FBXO21: variants seen among roughly 807,000 people sequenced by gnomAD.
The protein encoded by FBXO21 is F-box protein 21.
Under a neutral mutation model 76.6 loss-of-function variants are expected in FBXO21, and 32 were observed. That is an observed-to-expected ratio of 0.42 (90% CI 0.32 to 0.56). The LOEUF is 0.56. FBXO21 is among the 20% of genes least tolerant of loss of function. The pLI is 0.16. For synonymous variants in FBXO21, 328 were observed against 311.5 expected (o/e 1.05, Z -0.56); for missense variants, 586 against 797.3 (o/e 0.73, Z 3.19).
intron 7 of FBXO21, among the ~76,000 whole-genome samples, chr12:117,171,114 A>C (rs564623791): frequency 1.3e-5 from 2 of 152,280 alleles, no homozygotes; most frequent in African/African-American, 4.8e-5. Flanking sequence ...CTGTAATCCC[A>C]GCACCTTGGG....
In FBXO21 at chr12:117,144,244, A is replaced by C. The variant is rs1344541068; in HGVS notation, c.*1843T>G. 6.6e-6 allele frequency: 1 copy of C among 152,246 alleles called. No individual in the cohort carries two copies. The highest frequency in any genetic ancestry group is 1.5e-5 in the Non-Finnish European group (1 of 68,050). 9.4% of individuals were successfully genotyped at this position (152,246 alleles called of 1,614,324 possible). On this transcript the variant is annotated 3_prime_UTR_variant, in exon 12 of 12. Transcript: ENST00000622495. Reference sequence around the variant, plus strand: ...GTTCTTATTAATGCATCTCATTCATATTAATTAATTCCGTATTATCAAACT... The same window carrying C: ...GTTCTTATTAATGCATCTCATTCATCTTAATTAATTCCGTATTATCAAACT...
In FBXO21 at chr12:117,174,326, A is replaced by T. The variant is rs1956152319; in HGVS notation, c.755T>A (p.Ile252Lys). Residue 252 changes from isoleucine (I) to lysine (K), a missense_variant, in exon 6 of 12, where the codon ATA (isoleucine) becomes AAA (lysine). Physicochemically the swap from Ile to Lys is moderately radical, Grantham distance 102. Around this residue, in one of 6 missense-constraint regions of FBXO21, gnomAD observed 246 missense variants for 356.8 expected, o/e 0.69. Transcript: ENST00000622495. ...CTGGCTCTGGAGTTCTATTTCCATTATCATGGATGATTCACCTGAAACACA... is the reference window on the plus strand; with the variant it reads ...CTGGCTCTGGAGTTCTATTTCCATTTTCATGGATGATTCACCTGAAACACA... ...LAFKAGESSMIMEIELQSQVL... is the reference protein window; with the variant it reads ...LAFKAGESSMKMEIELQSQVL... 1 of 1,613,898 alleles carries T rather than the reference A, an allele frequency of 6.2e-7. No individual in the cohort carries two copies. The highest frequency in any genetic ancestry group is 1.3e-5 in the African/African-American group (1 of 74,870).
At chr12:117,186,604 T>TACTCA in intron 2 of FBXO21, 33 bp from the exon 3 acceptor site, 3 of 1,367,098 alleles carry the variant, frequency 2.2e-6, no homozygotes, top group Non-Finnish European at 3.1e-6. Context: ...TAGGCCTCAA[T>TACTCA]TATGAGTATT....
chr12:117,186,477 C>A lies in FBXO21; in HGVS notation c.470G>T (p.Arg157Ile). ...AATCCCTGCTAAAGCTATGGCTTAC[C>A]TTCCTTCCATATTTAGGATACACAC... Reference protein sequence around the residue: ...ELVCILNMEGRKALTWKYYAK... With the variant: ...ELVCILNMEGIKALTWKYYAK... Residue 157 changes from arginine (R) to isoleucine (I), a missense_variant and splice_region_variant, in exon 3 of 12, where the codon AGA becomes ATA. Arg to Ile is a moderately conservative substitution (Grantham distance 97, BLOSUM62 -3). Transcript: ENST00000622495. The A allele has an allele frequency of 6.2e-7, 1 of 1,602,052 alleles. No homozygotes were observed. Among genetic ancestry groups the A allele is most frequent in the South Asian group, 1.1e-5 (1 of 90,600 alleles).
chr12:117,178,990 G>GTGGATAAAA (rs1956203478), intron 3 of FBXO21, among the ~76,000 whole-genome samples: 1 of 152,118 alleles, frequency 6.6e-6, no homozygotes, highest in African/African-American at 2.4e-5. Flanking sequence ...CACTTGTTGA[G>GTGGATAAAA]TGGATAAAAT....
chr12:117,147,521 C>T lies in FBXO21; in HGVS notation c.1676-1244G>A, dbSNP rs528190917. Among the ~76,000 whole-genome samples the T allele has an allele frequency of 5.1e-4, 72 of 142,146 alleles. 1 individual carries two copies. The highest frequency in any genetic ancestry group is 1.2e-3 in the Admixed American group (15 of 12,450). The allele number at this position is 142,146 out of a possible 152,430, so 93.3% of individuals were successfully genotyped here. On this transcript the variant is annotated intron_variant, in intron 11 of 11. Transcript: ENST00000622495. The stretch of plus-strand genomic sequence containing the variant: ...GGCTGAGGCAGAGAACTGCTTGAAC[C>T]TGGGAGGCGGAGGTTGCAGTGAGCC...
chr12:117,173,267 G>A (rs1304924436), intron 6 of FBXO21, among the ~76,000 whole-genome samples: 1 of 152,112 alleles, frequency 6.6e-6, no homozygotes, highest in African/African-American at 2.4e-5. Context: ...CTGACCTCAG[G>A]TGATCCGCCC....
chr12:117,152,079 T>C (rs1239747475), intron 11 of FBXO21, among the ~76,000 whole-genome samples: 2 of 151,920 alleles, frequency 1.3e-5, no homozygotes, highest in Non-Finnish European at 2.9e-5. Flanking sequence ...CAAGAATTCT[T>C]ATCCCGATCT....
At chr12:117,185,815 C>A (rs1446190211) in intron 3 of FBXO21, among the ~76,000 whole-genome samples, 1 of 152,068 alleles carries the variant, frequency 6.6e-6, no homozygotes, top group African/African-American at 2.4e-5. Flanking sequence ...TCATGATAGG[C>A]AAATCTGATA....
intron 3 of FBXO21, among the ~76,000 whole-genome samples, chr12:117,181,282 A>G (rs1169353322): frequency 6.6e-6 from 1 of 152,132 alleles, no homozygotes; most frequent in Non-Finnish European, 1.5e-5. Context: ...GGCTGGATAT[A>G]AAAATCCTTG....
chr12:117,165,454 C>A (rs372781533), intron 9 of FBXO21, 31 bp downstream of exon 9: 9 of 1,603,630 alleles, frequency 5.6e-6, no homozygotes, highest in Non-Finnish European at 7.7e-6. Flanking sequence ...CTTTCTAAGG[C>A]AAGTGCAAAG....
At chr12:117,153,747 T>C (rs1027195222) in intron 11 of FBXO21, among the ~76,000 whole-genome samples, 5 of 152,264 alleles carry the variant, frequency 3.3e-5, no homozygotes, top group African/African-American at 7.2e-5. Context: ...ACTCTCATAG[T>C]GTAGGAACAG....
chr12:117,144,458 G>A lies in FBXO21; in HGVS notation c.*1629C>T, dbSNP rs189858062. 6.6e-6 allele frequency: 1 copy of A among 152,282 alleles called. No homozygotes were observed. The highest frequency in any genetic ancestry group is 2.4e-5 in the African/African-American group (1 of 41,554). The allele number at this position is 152,282 out of a possible 1,614,324, so 9.4% of individuals were successfully genotyped here. On this transcript the variant is annotated 3_prime_UTR_variant, in exon 12 of 12. Transcript: ENST00000622495. ...GGGGCCAAATCCCCATCTCTTTCTA[G>A]TAACTGCTTAAAGCCTTCCCTTGCT...
intron 6 of FBXO21, among the ~76,000 whole-genome samples, chr12:117,173,474 A>G (rs574226161): frequency 1.4e-4 from 21 of 152,364 alleles, no homozygotes; most frequent in African/African-American, 4.6e-4. Context: ...AGTAGCAGAC[A>G]GGGCAACAAA....
At position 117,167,019 on chromosome 12, in the gene FBXO21, G is replaced by C; in HGVS notation, c.1072C>G (p.Leu358Val). 1.9e-6 allele frequency: 3 copies of C among 1,614,078 alleles called. No homozygotes were observed. Among genetic ancestry groups the C allele is most frequent in the Non-Finnish European group, 2.5e-6 (3 of 1,180,006 alleles). The change falls in exon 8 of 12, where the codon CTG (leucine) becomes GTG (valine). Residue 358 changes from leucine to valine, a missense_variant. By Grantham distance (32) the Leu-to-Val change is conservative. Around this residue, in one of 6 missense-constraint regions of FBXO21, gnomAD observed 246 missense variants for 356.8 expected, o/e 0.69. Transcript: ENST00000622495. ...AAGTACTCGCATTCTTTCACTGTCA[G>C]CTGCTTGCCTTTCCCAAAAGCATCT... ...YIDAFGKGKQ[L>V]TVKECEYLIG...
intron 5 of FBXO21, 137 bp from the exon 6 acceptor site, chr12:117,174,478 C>T (rs2135874441): frequency 8.4e-7 from 1 of 1,194,244 alleles, no homozygotes; most frequent in East Asian, 2.4e-5. Flanking sequence ...AAGCAGAAGG[C>T]AGTATGTATT....
At chr12:117,190,124 C>A (rs1422645284) in intron 1 of FBXO21, 94 bp downstream of exon 1, 2 of 626,980 alleles carry the variant, frequency 3.2e-6, no homozygotes, top group Admixed American at 1.3e-4. Context: ...GGTCCGCGCG[C>A]GGGGCGGCCG....
At position 117,149,061 on chromosome 12, in the gene FBXO21, G is replaced by C. The variant is rs555598214; in HGVS notation, c.1676-2784C>G. 3.3e-5 allele frequency among the ~76,000 whole-genome samples: 5 copies of C among 152,322 alleles called. No individual in the cohort carries two copies. In the South Asian group the frequency reaches 8.3e-4, roughly 25 times the overall value. ...CCTCCCTCTTCACATCCAGTAACAG[G>C]AGGAACCAACTAGCAAAGCATATTT... On this transcript the variant is annotated intron_variant, in intron 11 of 11. Transcript: ENST00000622495.
intron 9 of FBXO21, among the ~76,000 whole-genome samples, chr12:117,164,612 C>CT (rs1263621152): frequency 6.6e-6 from 1 of 152,132 alleles, no homozygotes; most frequent in African/African-American, 2.4e-5. Context: ...TGGGGTTTTC[C>CT]TACTGATGCA....
Sources: gnomAD v4.1 joint callset for allele counts (sites outside exome capture counted in the v4.1 genomes callset) on GRCh38, gnomAD v4.1.1 for gene constraint, gnomAD v4.1.1 regional missense constraint, MANE v1.5 for transcripts, NCBI Gene and HGNC (gene_info 2026-07-23, HGNC 2026-07-21) for gene names.